Variants in TSHZ2 observed in about 807,000 individuals in gnomAD.
TSHZ2 encodes the protein teashirt zinc finger homeobox 2, also known as teashirt homolog 2.
In TSHZ2, 21 loss-of-function variants were observed where a neutral mutation model predicts 74.4. That is an observed-to-expected ratio of 0.28 (90% CI 0.20 to 0.41). TSHZ2 has a LOEUF of 0.41. Among genes scored for constraint, TSHZ2 ranks in the 10% least tolerant of loss-of-function variants. The pLI is 1.00. For synonymous variants in TSHZ2, 540 were observed against 515.3 expected (o/e 1.05, Z -0.65); for missense variants, 1,244 against 1,293.5 (o/e 0.96, Z 0.59).
At chr20:53,009,182 C>CA (rs1221604287) in intron 1 of TSHZ2, among the ~76,000 whole-genome samples, 1 of 151,462 alleles carries the variant, frequency 6.6e-6, no homozygotes, top group Non-Finnish European at 1.5e-5. Context: ...TATATATATA[C>CA]AAAAAATTAG....
chr20:53,304,553 T>C (rs1487837381), intron 2 of TSHZ2, among the ~76,000 whole-genome samples: 5 of 152,158 alleles, frequency 3.3e-5, no homozygotes, highest in Admixed American at 3.3e-4. Flanking sequence ...TAAAATTGCC[T>C]GCCCCAAACC....
chr20:53,328,630 A>G (rs1198942801), intron 2 of TSHZ2, among the ~76,000 whole-genome samples: 2 of 152,234 alleles, frequency 1.3e-5, no homozygotes, highest in Non-Finnish European at 2.9e-5. Context: ...AGGAATTAGC[A>G]TCTTTCTATT....
intron 1 of TSHZ2, among the ~76,000 whole-genome samples, chr20:53,250,853 A>G (rs1990310556): frequency 1.3e-5 from 2 of 151,182 alleles, no homozygotes. Flanking sequence ...AAAAAAAAAG[A>G]ACACTTCTTT....
chr20:53,444,727 C>A (rs1249556374), intron 2 of TSHZ2, among the ~76,000 whole-genome samples: 4 of 152,210 alleles, frequency 2.6e-5, no homozygotes, highest in Admixed American at 1.3e-4. Context: ...AGCCCTGTAA[C>A]CTTTGGTGTG....
At chr20:52,989,777 GT>G in intron 1 of TSHZ2, among the ~76,000 whole-genome samples, 2 of 151,982 alleles carry the variant, frequency 1.3e-5, no homozygotes, top group South Asian at 4.2e-4. Flanking sequence ...GCATGTATAT[GT>G]TGTTAGAAGC....
At chr20:53,412,447 A>T (rs1387773218) in intron 2 of TSHZ2, 1 of 152,228 alleles carries the variant, frequency 6.6e-6, no homozygotes, top group Non-Finnish European at 1.5e-5. Flanking sequence ...TACGCTTTTA[A>T]CCATTTTTAA....
intron 1 of TSHZ2, among the ~76,000 whole-genome samples, chr20:53,240,141 A>T (rs776588286): frequency 3.1e-4 from 47 of 152,150 alleles, no homozygotes; most frequent in Non-Finnish European, 5.9e-5. Flanking sequence ...AGTTTATGAG[A>T]TTATATGTTC....
intron 2 of TSHZ2, among the ~76,000 whole-genome samples, chr20:53,454,999 T>G (rs937486422): frequency 2.6e-5 from 4 of 152,210 alleles, no homozygotes; most frequent in Non-Finnish European, 1.5e-5. Flanking sequence ...TTTTCCTTCA[T>G]GTAGTTATAT....
chr20:53,086,978 G>GCATC (rs1271952758), intron 1 of TSHZ2, among the ~76,000 whole-genome samples: 1 of 152,164 alleles, frequency 6.6e-6, no homozygotes, highest in Non-Finnish European at 1.5e-5. Flanking sequence ...AAGAGTCAGG[G>GCATC]GATGGGGTGG....
chr20:53,118,518 G>T (rs77038833), intron 1 of TSHZ2, among the ~76,000 whole-genome samples: 29 of 152,244 alleles, frequency 1.9e-4, no homozygotes, highest in Admixed American at 3.9e-4. Flanking sequence ...ATCTGATCTT[G>T]GTCTGAAGCA....
intron 2 of TSHZ2, among the ~76,000 whole-genome samples, chr20:53,329,816 GAGAA>G (rs754488228): frequency 1.6e-3 from 250 of 152,198 alleles, no homozygotes; most frequent in Non-Finnish European, 3.1e-3. Context: ...GGAAAAGAAA[GAGAA>G]AGAGAGAGAG....
chr20:53,465,889 T>C (rs1190163742), intron 2 of TSHZ2, among the ~76,000 whole-genome samples: 1 of 150,588 alleles, frequency 6.6e-6, no homozygotes, highest in Admixed American at 6.6e-5. Context: ...TGTGTTCCAA[T>C]CTACCAACCC....
chr20:53,207,665 CTTTTT>C (rs1219207870), intron 1 of TSHZ2, among the ~76,000 whole-genome samples: 3 of 151,376 alleles, frequency 2.0e-5, no homozygotes, highest in Admixed American at 1.3e-4. Flanking sequence ...TGCAGCTCTT[CTTTTT>C]TATTTTATTT....
At chr20:53,052,739 T>C (rs1984517208) in intron 1 of TSHZ2, among the ~76,000 whole-genome samples, 1 of 152,202 alleles carries the variant, frequency 6.6e-6, no homozygotes, top group Non-Finnish European at 1.5e-5. Flanking sequence ...CTATTACGAA[T>C]AATGCTACTA....
chr20:53,376,790 C>G (rs1490244631), intron 2 of TSHZ2, among the ~76,000 whole-genome samples: 2 of 152,266 alleles, frequency 1.3e-5, no homozygotes, highest in African/African-American at 4.8e-5. Context: ...GGTCTCAACA[C>G]AGTCAGACTC....
chr20:53,355,803 A>G (rs1980823955), intron 2 of TSHZ2, among the ~76,000 whole-genome samples: 1 of 152,250 alleles, frequency 6.6e-6, no homozygotes, highest in African/African-American at 2.4e-5. Flanking sequence ...GAAGGATGAA[A>G]GAATAAGCAC....
chr20:53,349,825 CT>C (rs1271177332), intron 2 of TSHZ2, among the ~76,000 whole-genome samples: 3 of 152,182 alleles, frequency 2.0e-5, no homozygotes, highest in Non-Finnish European at 4.4e-5. Context: ...CAAACAGTGG[CT>C]TAAAAGAAAA....
chr20:53,350,705 T>C (rs185232543), intron 2 of TSHZ2, among the ~76,000 whole-genome samples: 28 of 152,372 alleles, frequency 1.8e-4, no homozygotes, highest in Admixed American at 1.8e-3. Context: ...AGGATTGATA[T>C]TGAGAGCTTT....
At chr20:53,219,797 C>T (rs531939497) in intron 1 of TSHZ2, among the ~76,000 whole-genome samples, 1 of 152,176 alleles carries the variant, frequency 6.6e-6, no homozygotes, top group African/African-American at 2.4e-5. Context: ...ATTGGTGACA[C>T]CTTTTGATTT....
Sources: allele counts gnomAD v4.1 joint callset (sites outside exome capture counted in the v4.1 genomes callset), GRCh38; gene constraint gnomAD v4.1.1; transcripts MANE v1.5; gene names NCBI Gene and HGNC (gene_info 2026-07-23, HGNC 2026-07-21).